The following PDE10A variants were observed in gnomAD, a reference collection of about 807,000 sequenced individuals.
PDE10A encodes the protein phosphodiesterase 10A.
Under a neutral mutation model 97.7 loss-of-function variants are expected in PDE10A, and 39 were observed. The ratio of observed to expected loss-of-function variants is 0.40; its 90% CI spans 0.31 to 0.52. The LOEUF (loss-of-function observed/expected upper bound fraction) is 0.52, where lower values mean the gene tolerates loss of function less well. PDE10A is among the 20% of genes least tolerant of loss of function. PDE10A has a pLI of 0.56. For synonymous variants in PDE10A, 371 were observed against 376.8 expected (o/e 0.98, Z 0.18); for missense variants, 731 against 1,047.8 (o/e 0.70, Z 4.17).
At chr6:165,620,311 G>A (rs925437631) in intron 1 of PDE10A, among the ~76,000 whole-genome samples, 1 of 152,102 alleles carries the variant, frequency 6.6e-6, no homozygotes, top group African/African-American at 2.4e-5. Context: ...TCTGCACTGT[G>A]CATGAGAAGG....
At chr6:165,392,829 C>A in intron 15 of PDE10A, 33 bp from the exon 16 acceptor site, 1 of 1,604,818 alleles carries the variant, frequency 6.2e-7, no homozygotes, top group Non-Finnish European at 8.5e-7. Context: ...TGACTGAAAC[C>A]AGTAGAGAAT....
intron 1 of PDE10A, chr6:165,718,165 CAA>C (rs1352287621): frequency 6.6e-6 from 1 of 152,136 alleles, no homozygotes. Flanking sequence ...TTCCCAAATT[CAA>C]AGTCTTGATG....
intron 16 of PDE10A, among the ~76,000 whole-genome samples, chr6:165,389,610 A>T (rs1045392950): frequency 6.6e-6 from 1 of 152,212 alleles, no homozygotes; most frequent in African/African-American, 2.4e-5. Flanking sequence ...ACTGAGGCGA[A>T]GGAGTCTACT....
chr6:165,876,171 C>T (rs1191649823), intron 1 of PDE10A, among the ~76,000 whole-genome samples: 1 of 152,192 alleles, frequency 6.6e-6, no homozygotes, highest in African/African-American at 2.4e-5. Flanking sequence ...CTGTTAACAA[C>T]AGCCTGGGTT....
Position 165,339,389 on chromosome 6 carries a change from C to T in PDE10A, c.2896-31G>A, listed in dbSNP as rs535786788. 13 of 1,305,142 alleles carry T rather than the reference C, an allele frequency of 1.0e-5. No homozygotes were observed. In the East Asian group the frequency reaches 2.8e-4, roughly 28 times the overall value. 80.8% of individuals were successfully genotyped at this position (1,305,142 alleles called of 1,614,324 possible). On this transcript the variant is annotated intron_variant, in intron 19 of 21. Coordinates refer to ENST00000539869, the MANE Select transcript of PDE10A (RefSeq NM_001385079.1). ...ATGAATGGGGAGAAAATCATGCTTT[C>T]TCAAATTTCAAATTGCTATACTATT... is the stretch of plus-strand genomic sequence containing the variant.
At chr6:165,503,183 G>GCA (rs2128296127) in intron 2 of PDE10A, among the ~76,000 whole-genome samples, 1 of 152,222 alleles carries the variant, frequency 6.6e-6, no homozygotes, top group Admixed American at 6.5e-5. Context: ...GCTGAGGGCA[G>GCA]CAGCAGGGGA....
intron 2 of PDE10A, among the ~76,000 whole-genome samples, chr6:165,537,259 T>C (rs938785999): frequency 3.9e-5 from 6 of 151,970 alleles, no homozygotes; most frequent in African/African-American, 1.2e-4. Context: ...AGAGAGTAGA[T>C]TGGTAGTTAC....
At chr6:165,538,620 C>A (rs1783239338) in intron 2 of PDE10A, among the ~76,000 whole-genome samples, 1 of 152,074 alleles carries the variant, frequency 6.6e-6, no homozygotes, top group African/African-American at 2.4e-5. Flanking sequence ...CTTTCTAATA[C>A]CACCGACACT....
At chr6:165,490,416 A>G (rs1479038899) in intron 2 of PDE10A, among the ~76,000 whole-genome samples, 2 of 152,240 alleles carry the variant, frequency 1.3e-5, no homozygotes, top group Non-Finnish European at 2.9e-5. Context: ...GCCACTACCA[A>G]GCCAGCACTA....
intron 12 of PDE10A, among the ~76,000 whole-genome samples, chr6:165,414,773 T>C (rs1207873402): frequency 6.6e-6 from 1 of 152,212 alleles, no homozygotes; most frequent in Non-Finnish European, 1.5e-5. Flanking sequence ...CAAGCGGTTG[T>C]ACCATTTCAT....
rs117964219 is a variant in PDE10A at position 165,768,325 on chromosome 6, A to G, written c.-615+219204T>C. Among the ~76,000 whole-genome samples, 1,176 of 152,162 alleles carry G rather than the reference A, an allele frequency of 7.7e-3. 5 individuals are homozygous for G. The highest frequency in any genetic ancestry group is 0.012 in the Non-Finnish European group (791 of 68,010). ...TTTTTTTTTCTGTTGCTTGTGCTTT[A>G]AGTGTCATATCTAAGAAACCACTGG... is the stretch of plus-strand genomic sequence containing the variant. On this transcript the variant is annotated intron_variant, in intron 1 of 19. Transcript: ENST00000366882.
In PDE10A at chr6:165,894,442, C is replaced by T. The variant is rs955842244; in HGVS notation, c.-615+93087G>A. 6.8e-5 allele frequency: 31 copies of T among 455,800 alleles called. No individual in the cohort carries two copies. In the Admixed American group the frequency reaches 6.8e-4, roughly 10 times the overall value. 28.2% of individuals were successfully genotyped at this position (455,800 alleles called of 1,614,324 possible). ...ATATAAGTCAAGGCCTGCATTCAGGCTCCAAAAAATCAATTGAACAAGTGG... is the reference window on the plus strand; with the variant it reads ...ATATAAGTCAAGGCCTGCATTCAGGTTCCAAAAAATCAATTGAACAAGTGG... On this transcript the variant is annotated intron_variant, in intron 1 of 19. Transcript: ENST00000366882.
intron 1 of PDE10A, among the ~76,000 whole-genome samples, chr6:165,927,315 C>G (rs1393103114): frequency 6.6e-6 from 1 of 152,140 alleles, no homozygotes; most frequent in African/African-American, 2.4e-5. Flanking sequence ...ATATTAGTTA[C>G]ACTGCTGTTA....
At chr6:165,987,415 G>A (rs1785256116) in intron 1 of PDE10A, 2 of 318,084 alleles carry the variant, frequency 6.3e-6, no homozygotes, top group Non-Finnish European at 1.2e-5. Context: ...CAAAAAGGGT[G>A]GAGGGAAAGG....
At chr6:165,423,389 C>A (rs988380052) in intron 10 of PDE10A, among the ~76,000 whole-genome samples, 6 of 152,110 alleles carry the variant, frequency 3.9e-5, no homozygotes, top group African/African-American at 1.2e-4. Context: ...GCCACCTGGC[C>A]GCAGGGCGTC....
At chr6:165,913,343 G>A (rs1782516511) in intron 1 of PDE10A, among the ~76,000 whole-genome samples, 1 of 150,974 alleles carries the variant, frequency 6.6e-6, no homozygotes, top group East Asian at 1.9e-4. Context: ...GGAGTTCCAG[G>A]ACCTCCTACA....
chr6:165,928,610 G>A (rs753124222), intron 1 of PDE10A, among the ~76,000 whole-genome samples: 6 of 152,168 alleles, frequency 3.9e-5, no homozygotes, highest in Non-Finnish European at 8.8e-5. Flanking sequence ...TTCCTGGAAA[G>A]CATCCACTCT....
At chr6:165,561,239 C>T (rs545150150) in intron 1 of PDE10A, among the ~76,000 whole-genome samples, 1 of 151,478 alleles carries the variant, frequency 6.6e-6, no homozygotes, top group Non-Finnish European at 1.5e-5. Flanking sequence ...AAAAAGTGTG[C>T]AGCAGTACCT....
intron 1 of PDE10A, among the ~76,000 whole-genome samples, chr6:165,942,734 T>C (rs1783572366): frequency 6.6e-6 from 1 of 152,196 alleles, no homozygotes; most frequent in Non-Finnish European, 1.5e-5. Context: ...CTACATAAAG[T>C]GCTTTAACCT....
Sources: gnomAD v4.1 joint callset for allele counts (sites outside exome capture counted in the v4.1 genomes callset) on GRCh38, gnomAD v4.1.1 for gene constraint, MANE v1.5 for transcripts, NCBI Gene and HGNC (gene_info 2026-07-23, HGNC 2026-07-21) for gene names.